Variants in RSPO4 observed in about 807,000 individuals in gnomAD.
RSPO4 encodes R-spondin 4.
In RSPO4, 23 loss-of-function variants were observed where a neutral mutation model predicts 24.8. The observed-to-expected ratio is 0.93, with a 90% CI of 0.67 to 1.31. RSPO4 has a LOEUF of 1.31. Among genes scored for constraint, RSPO4 ranks in the 40% most tolerant of loss-of-function variants. The pLI is 0.00. For missense variants in RSPO4, 333 were observed against 316.5 expected (o/e 1.05, Z -0.39); for synonymous variants, 141 against 127.4 (o/e 1.11, Z -0.72).
intron 1 of RSPO4, among the ~76,000 whole-genome samples, chr20:973,671 T>C (rs1984479089): frequency 6.6e-6 from 1 of 152,186 alleles, no homozygotes; most frequent in Admixed American, 6.5e-5. Context: ...AGACGGGGTT[T>C]CGCCATGTTG....
chr20:966,556 C>A (rs1984204465), intron 3 of RSPO4, among the ~76,000 whole-genome samples: 1 of 152,102 alleles, frequency 6.6e-6, no homozygotes, highest in Non-Finnish European at 1.5e-5. Flanking sequence ...GACCCCAGGC[C>A]TGTCCTATTC....
chr20:1,000,217 G>C (rs766327467), intron 1 of RSPO4, among the ~76,000 whole-genome samples: 1 of 152,178 alleles, frequency 6.6e-6, no homozygotes, highest in African/African-American at 2.4e-5. Context: ...GAGAAGGGAA[G>C]ACCAGCACAC....
intron 1 of RSPO4, among the ~76,000 whole-genome samples, chr20:1,000,268 G>A (rs1012108894): frequency 6.6e-6 from 1 of 152,156 alleles, no homozygotes; most frequent in Non-Finnish European, 1.5e-5. Context: ...GGCAGATTGG[G>A]ATTCGAGCCT....
intron 1 of RSPO4, among the ~76,000 whole-genome samples, chr20:999,232 C>A (rs750232926): frequency 1.3e-5 from 2 of 152,088 alleles, no homozygotes; most frequent in Non-Finnish European, 2.9e-5. Context: ...CCAGGCTGGT[C>A]TCGAACTCCT....
intron 4 of RSPO4, among the ~76,000 whole-genome samples, chr20:962,439 CA>C (rs11477602): frequency 0.014 from 2,101 of 152,242 alleles, 54 homozygotes; most frequent in African/African-American, 0.048. Flanking sequence ...TATTATTATC[CA>C]GGGGAAAAGC....
At chr20:976,894 C>T (rs917604268) in intron 1 of RSPO4, among the ~76,000 whole-genome samples, 5 of 152,118 alleles carry the variant, frequency 3.3e-5, no homozygotes, top group African/African-American at 4.8e-5. Flanking sequence ...TTGAACTTCT[C>T]TGGAAAAAGT....
In RSPO4 at chr20:981,653, C is replaced by T. The variant is rs1357721727; in HGVS notation, c.80-13515G>A. On this transcript the variant is annotated intron_variant, in intron 1 of 4. Transcript: ENST00000217260. The surrounding 1 kb of genome is among the most constrained non-coding windows in gnomAD (Gnocchi z 4.6). ...AGTTGGGGACAGTCCCTGCCAGGCC[C>T]AGCATGGCAGAAAAAGGAAGGGCTG... Among the ~76,000 whole-genome samples, 5 of 152,234 alleles carry T rather than the reference C, an allele frequency of 3.3e-5. No individual in the cohort carries two copies. Among genetic ancestry groups the T allele is most frequent in the African/African-American group, 1.2e-4 (5 of 41,458 alleles).
chr20:984,889 A>C (rs1178643902), intron 1 of RSPO4, among the ~76,000 whole-genome samples: 1 of 149,044 alleles, frequency 6.7e-6, no homozygotes, highest in South Asian at 2.2e-4. Context: ...CTGCCCACCC[A>C]TCTATCCATC....
intron 1 of RSPO4, among the ~76,000 whole-genome samples, chr20:974,385 C>T (rs1221880021): frequency 1.3e-5 from 2 of 152,210 alleles, no homozygotes; most frequent in African/African-American, 2.4e-5. Flanking sequence ...CAATGGTCTG[C>T]GCTGGCCTTG....
intron 4 of RSPO4, among the ~76,000 whole-genome samples, chr20:961,487 T>C (rs1469412642): frequency 6.6e-6 from 1 of 152,142 alleles, no homozygotes; most frequent in Non-Finnish European, 1.5e-5. Context: ...GTGGCTCCAG[T>C]CCTGGCTCCT....
intron 1 of RSPO4, among the ~76,000 whole-genome samples, chr20:984,372 C>A (rs1984835436): frequency 6.6e-6 from 1 of 152,104 alleles, no homozygotes; most frequent in Admixed American, 6.5e-5. Context: ...ATAATCAGCT[C>A]CCAGTGCTGA....
chr20:988,670 C>T (rs1984998415), intron 1 of RSPO4, among the ~76,000 whole-genome samples: 1 of 152,188 alleles, frequency 6.6e-6, no homozygotes, highest in Non-Finnish European at 1.5e-5. Context: ...CCTGCCTCAG[C>T]TTCCCTAGTA....
At chr20:999,972 G>T (rs528708213) in intron 1 of RSPO4, among the ~76,000 whole-genome samples, 1 of 152,004 alleles carries the variant, frequency 6.6e-6, no homozygotes, top group Non-Finnish European at 1.5e-5. Context: ...GGGTTCAAGC[G>T]ACTCTCCTGC....
chr20:986,798 G>C (rs1984937034), intron 1 of RSPO4, among the ~76,000 whole-genome samples: 1 of 152,036 alleles, frequency 6.6e-6, no homozygotes, highest in South Asian at 2.1e-4. Context: ...TAAGAAAAAG[G>C]GGAATGATCC....
At chr20:987,406 G>A (rs1030546446) in intron 1 of RSPO4, among the ~76,000 whole-genome samples, 3 of 152,086 alleles carry the variant, frequency 2.0e-5, no homozygotes, top group Admixed American at 2.0e-4. Context: ...GGACTCCAAG[G>A]TTTGGGATGA....
At chr20:967,365 G>A in intron 2 of RSPO4, 51 bp from the exon 3 acceptor site, 1 of 1,604,816 alleles carries the variant, frequency 6.2e-7, no homozygotes, top group South Asian at 1.1e-5. Flanking sequence ...CAAGGATGGG[G>A]CCCACTGGGT....
At chr20:988,691 C>T (rs553640230) in intron 1 of RSPO4, among the ~76,000 whole-genome samples, 56 of 152,230 alleles carry the variant, frequency 3.7e-4, no homozygotes, top group African/African-American at 1.3e-3. Flanking sequence ...GCTGGGATTA[C>T]AGGCACCCAC....
Position 963,954 on chromosome 20 carries a change from G to A in RSPO4, c.576C>T (p.Ile192=). ...GCTCACCTCCTGGGCAGGGCCTCTG[G>A]ATGGGACATTTCCTTGACTCAGAAA... ...QVLSESRKCP[I]QRPCPGERSP... The change falls in exon 4 of 5, where the codon ATC becomes ATT. Residue 192 remains isoleucine (I), a synonymous_variant. Transcript: ENST00000217260. 1 of 1,613,972 alleles carries A rather than the reference G, an allele frequency of 6.2e-7. No individual in the cohort carries two copies.
In RSPO4 at chr20:977,868, G is replaced by A. The variant is rs1002121652; in HGVS notation, c.80-9730C>T. ...CTGGGCAGCGCATCCTCCGATGCCC[G>A]CCTGGCAGTGCAGGACGCATGTCAC... On this transcript the variant is annotated intron_variant, in intron 1 of 4. Coordinates refer to ENST00000217260, the MANE Select transcript of RSPO4 (RefSeq NM_001029871.4). Among the ~76,000 whole-genome samples, 9 of 148,758 alleles carry A rather than the reference G, an allele frequency of 6.1e-5. No individual in the cohort carries two copies. In the South Asian group the frequency reaches 8.3e-4, roughly 14 times the overall value.
Sources: gnomAD v4.1 joint callset for allele counts (sites outside exome capture counted in the v4.1 genomes callset) on GRCh38, gnomAD v4.1.1 for gene constraint, Gnocchi (gnomAD v3.1) non-coding constraint, MANE v1.5 for transcripts, NCBI Gene and HGNC (gene_info 2026-07-23, HGNC 2026-07-21) for gene names.